DTX1: variants seen among roughly 807,000 people sequenced by gnomAD.
The protein encoded by DTX1 is E3 ubiquitin-protein ligase DTX1.
In DTX1, 26 loss-of-function variants were observed where a neutral mutation model predicts 57.8. The observed-to-expected ratio is 0.45, with a 90% confidence interval of 0.33 to 0.62. The LOEUF is 0.62. Among genes scored for constraint, DTX1 ranks in the 20% least tolerant of loss-of-function variants. The pLI, the probability that DTX1 is intolerant of heterozygous loss-of-function variation, is 0.02. For synonymous variants in DTX1, 398 were observed against 394.1 expected, an observed-to-expected ratio of 1.01 and a Z score of -0.12; for missense variants, 704 against 895.3, an observed-to-expected ratio of 0.79 and a Z score of 2.73.
chr12:113,080,153 C>G (rs1415618426), intron 3 of DTX1, among the ~76,000 whole-genome samples: 1 of 152,144 alleles, frequency 6.6e-6, no homozygotes, highest in Non-Finnish European at 1.5e-5. Flanking sequence ...GTCATGGGGA[C>G]AAACAGAGGT....
chr12:113,058,471 A>G lies in DTX1; in HGVS notation c.259+20A>G, dbSNP rs766149525. ...ACACAGGTGAGCAGACACCCACCCCATGCCACCCGCCCCGCCGAGCCATCA... is the reference window on the plus strand; with the variant it reads ...ACACAGGTGAGCAGACACCCACCCCGTGCCACCCGCCCCGCCGAGCCATCA... On this transcript the variant is annotated intron_variant, in intron 2 of 9. Transcript: ENST00000548759. 4 of 1,575,704 alleles carry G rather than the reference A, an allele frequency of 2.5e-6. No individual in the cohort carries two copies. Among genetic ancestry groups the G allele is most frequent in the Non-Finnish European group, 2.6e-6 (3 of 1,165,176 alleles).
intron 2 of DTX1, among the ~76,000 whole-genome samples, chr12:113,064,561 C>CT (rs958815543): frequency 1.3e-5 from 2 of 152,220 alleles, no homozygotes; most frequent in Non-Finnish European, 2.9e-5. Context: ...TTTGAACCCT[C>CT]TGACTCATAA....
At chr12:113,074,574 TG>T (rs2044757704) in intron 2 of DTX1, among the ~76,000 whole-genome samples, 1 of 152,332 alleles carries the variant, frequency 6.6e-6, no homozygotes, top group East Asian at 1.9e-4. Flanking sequence ...GCAAGGACTT[TG>T]GCTTTTACTC....
Position 113,093,405 on chromosome 12 carries a change from A to G in DTX1, c.1004-134A>G. On this transcript the variant is annotated intron_variant, in intron 4 of 9. Coordinates refer to ENST00000548759, the MANE Select transcript of DTX1 (RefSeq NM_004416.3). The surrounding 1 kb of genome is among the most constrained non-coding windows in gnomAD (Gnocchi z 4.2). ...GCAGAAAGGCCCTTCAGGGGCCTTC[A>G]AGGGGCTGAGTGGGTGGGGCCCAAG... is the stretch of plus-strand genomic sequence containing the variant. 1.5e-6 allele frequency: 2 copies of G among 1,365,310 alleles called. No individual in the cohort carries two copies. The highest frequency in any genetic ancestry group is 2.9e-5 in the Admixed American group (1 of 34,976). 84.6% of individuals were successfully genotyped at this position (1,365,310 alleles called of 1,614,324 possible). A position where few individuals can be genotyped will look rare whatever the true frequency, so the allele number is the denominator to read the frequency against.
chr12:113,062,195 G>C (rs1408868782), intron 2 of DTX1, among the ~76,000 whole-genome samples: 2 of 152,134 alleles, frequency 1.3e-5, no homozygotes, highest in Non-Finnish European at 2.9e-5. Context: ...GAACTTTGAG[G>C]GGAGACTGCC....
Position 113,093,152 on chromosome 12 carries a change from C to CTCCCCGCAGGG in DTX1, c.942-1_951dup. 1 of 1,589,362 alleles carries CTCCCCGCAGGG rather than the reference C, an allele frequency of 6.3e-7. No homozygotes were observed. Among genetic ancestry groups the CTCCCCGCAGGG allele is most frequent in the Non-Finnish European group, 8.6e-7 (1 of 1,167,956 alleles). On this transcript the variant is annotated splice_polypyrimidine_tract_variant and intron_variant, in intron 3 of 9. Transcript: ENST00000548759. This position sits in a 1 kb window ranked among gnomAD's most constrained non-coding sequence, Gnocchi z 4.2. ...GAGTCCAGCTGCGGCCTCTTCTCTT[C>CTCCCCGCAGGG]TCCCCGCAGGGTCCCCGCACTCCCG... is the stretch of plus-strand genomic sequence containing the variant.
Position 113,075,885 on chromosome 12 carries a change from C to T in DTX1, c.260-1539C>T, listed in dbSNP as rs112464619. On this transcript the variant is annotated intron_variant, in intron 2 of 9. Transcript: ENST00000548759. ...TCATTCAACAAATATCGCTCGAGCA[C>T]CTGCTGTGTGCAGGTGCTGGGGATA... Among the ~76,000 whole-genome samples the T allele has an allele frequency of 1.9e-3, 289 of 152,082 alleles. 1 individual carries two copies. Among genetic ancestry groups the T allele is most frequent in the African/African-American group, 6.4e-3 (264 of 41,476 alleles).
Position 113,097,108 on chromosome 12 carries a change from A to G in DTX1, c.*169A>G. The G allele has an allele frequency of 1.1e-5, 8 of 721,050 alleles. No homozygotes were observed. The highest frequency in any genetic ancestry group is 1.8e-5 in the Non-Finnish European group (8 of 449,192). 44.7% of individuals were successfully genotyped at this position (721,050 alleles called of 1,614,324 possible). On this transcript the variant is annotated 3_prime_UTR_variant, in exon 10 of 10. Coordinates refer to ENST00000548759, the MANE Select transcript of DTX1 (RefSeq NM_004416.3). ...GGCAGCTGGGATGAAGAGAGATGGC[A>G]TGTCAGGCTGGCCCCGAATCATAGC... is the stretch of plus-strand genomic sequence containing the variant.
rs1332706201 is a variant in DTX1 at position 113,057,599 on chromosome 12, G to T, written c.-594G>T. 2 of 153,332 alleles carry T rather than the reference G, an allele frequency of 1.3e-5. No homozygotes were observed. The highest frequency in any genetic ancestry group is 2.9e-5 in the Non-Finnish European group (2 of 68,886). 9.5% of individuals were successfully genotyped at this position (153,332 alleles called of 1,614,324 possible). A position where few individuals can be genotyped will look rare whatever the true frequency, so the allele number is the denominator to read the frequency against. Reference sequence around the variant, plus strand: ...CCCCGTGCGTTCTGCGGCCACCCAGGCCTTCCAGGACACCGTGGAGAGGGA... The same window carrying T: ...CCCCGTGCGTTCTGCGGCCACCCAGTCCTTCCAGGACACCGTGGAGAGGGA... On this transcript the variant is annotated 5_prime_UTR_variant, in exon 2 of 10. Transcript: ENST00000548759.
intron 6 of DTX1, 93 bp from the exon 7 acceptor site, chr12:113,094,696 T>G: frequency 6.7e-7 from 1 of 1,483,032 alleles, no homozygotes; most frequent in East Asian, 2.4e-5. Flanking sequence ...GAGAGTGTGG[T>G]CTGCTGCCTA....
chr12:113,079,168 G>T (rs901997330), intron 3 of DTX1, among the ~76,000 whole-genome samples: 1 of 152,102 alleles, frequency 6.6e-6, no homozygotes, highest in Non-Finnish European at 1.5e-5. Flanking sequence ...CCTGAGGGGT[G>T]GCAATGAGAG....
At chr12:113,063,109 C>G (rs908227482) in intron 2 of DTX1, among the ~76,000 whole-genome samples, 1 of 152,324 alleles carries the variant, frequency 6.6e-6, no homozygotes, top group Admixed American at 6.5e-5. Context: ...TCAAAGCTTT[C>G]TTTCTTCATT....
intron 8 of DTX1, 25 bp downstream of exon 8, chr12:113,095,228 G>C: frequency 1.9e-6 from 3 of 1,603,734 alleles, no homozygotes; most frequent in Non-Finnish European, 2.6e-6. Context: ...CGCCTCTCTG[G>C]CCCCCAGCCC....
At chr12:113,086,008 C>G (rs2044854113) in intron 3 of DTX1, among the ~76,000 whole-genome samples, 2 of 152,274 alleles carry the variant, frequency 1.3e-5, no homozygotes, top group South Asian at 4.1e-4. Context: ...TGGCTCACAC[C>G]TGTAATCCCA....
chr12:113,058,030 T>G lies in DTX1; in HGVS notation c.-163T>G. On this transcript the variant is annotated 5_prime_UTR_variant, in exon 2 of 10. Coordinates refer to ENST00000548759, the MANE Select transcript of DTX1 (RefSeq NM_004416.3). Reference sequence around the variant, plus strand: ...GCCTGGATGGCCATCCCACATTCCTTTAACGGAGGTCTCTAGGCCTCAGAG... The same window carrying G: ...GCCTGGATGGCCATCCCACATTCCTGTAACGGAGGTCTCTAGGCCTCAGAG... The G allele has an allele frequency of 2.5e-6, 3 of 1,191,976 alleles. No homozygotes were observed. The highest frequency in any genetic ancestry group is 2.3e-6 in the Non-Finnish European group (2 of 880,180). The allele number at this position is 1,191,976 out of a possible 1,614,324, so 73.8% of individuals were successfully genotyped here.
chr12:113,086,938 C>T (rs1361881285), intron 3 of DTX1, among the ~76,000 whole-genome samples: 1 of 150,212 alleles, frequency 6.7e-6, no homozygotes, highest in Non-Finnish European at 1.5e-5. Context: ...CCACCTGAAG[C>T]ACTTCCTGCC....
intron 3 of DTX1, among the ~76,000 whole-genome samples, chr12:113,090,963 C>T (rs907331028): frequency 6.6e-6 from 1 of 152,208 alleles, no homozygotes; most frequent in Non-Finnish European, 1.5e-5. Context: ...TCAGTACGCA[C>T]GAGTACTTCC....
At chr12:113,085,161 T>C (rs1288238570) in intron 3 of DTX1, among the ~76,000 whole-genome samples, 2 of 151,994 alleles carry the variant, frequency 1.3e-5, no homozygotes, top group African/African-American at 4.8e-5. Flanking sequence ...GCAATACTTG[T>C]ACCTCAGCCT....
At chr12:113,078,446 T>C (rs750014713) in intron 3 of DTX1, among the ~76,000 whole-genome samples, 2 of 152,228 alleles carry the variant, frequency 1.3e-5, no homozygotes, top group African/African-American at 2.4e-5. Flanking sequence ...TGTTTATTAT[T>C]TGCTAAACCC....
Sources: allele counts gnomAD v4.1 joint callset (sites outside exome capture counted in the v4.1 genomes callset), GRCh38; gene constraint gnomAD v4.1.1; non-coding constraint Gnocchi (gnomAD v3.1); transcripts MANE v1.5; gene names NCBI Gene and HGNC (gene_info 2026-07-23, HGNC 2026-07-21).